The following WDR72 variants were observed in gnomAD, a reference collection of about 807,000 sequenced individuals.
WDR72 encodes WD repeat domain 72.
In WDR72, 120 loss-of-function variants were observed where a neutral mutation model predicts 124.2. The observed-to-expected ratio is 0.97, with a 90% CI of 0.83 to 1.12. WDR72 has a LOEUF of 1.12. Among genes scored for constraint, WDR72 ranks in the 50% most tolerant of loss-of-function variants. The pLI is 0.00. For missense variants in WDR72, 1,387 were observed against 1,278.8 expected, an observed-to-expected ratio of 1.08 and a Z score of -1.29; for synonymous variants, 452 against 441.7, an observed-to-expected ratio of 1.02 and a Z score of -0.29.
At chr15:53,553,516 A>G (rs573630421) in intron 18 of WDR72, among the ~76,000 whole-genome samples, 30 of 152,176 alleles carry the variant, frequency 2.0e-4, no homozygotes, top group Non-Finnish European at 3.5e-4. Flanking sequence ...TGAGTTCCCA[A>G]TGTTTCTATT....
Position 53,700,831 on chromosome 15 carries a change from CAT to C in WDR72, c.1570-888_1570-887del, listed in dbSNP as rs1180969119. 3.3e-5 allele frequency among the ~76,000 whole-genome samples: 5 copies of C among 152,216 alleles called. No homozygotes were observed. In the East Asian group the frequency reaches 9.7e-4, roughly 29 times the overall value. ...TGGAGCCTAGACTTGCAGAACGGAT[CAT>C]ATGTCATTTTTCCCTAACCATTCTA... On this transcript the variant is annotated intron_variant, in intron 12 of 19. Coordinates refer to ENST00000360509, the MANE Select transcript of WDR72 (RefSeq NM_182758.4).
chr15:53,716,768 T>C (rs961126978), intron 3 of WDR72, 83 bp from the exon 4 acceptor site: 2 of 875,934 alleles, frequency 2.3e-6, no homozygotes, highest in African/African-American at 4.3e-5. Context: ...AGTTTTTCTT[T>C]AGCAGCCTGA....
intron 14 of WDR72, among the ~76,000 whole-genome samples, chr15:53,621,853 A>G (rs887337957): frequency 2.4e-4 from 37 of 152,188 alleles, no homozygotes; most frequent in African/African-American, 8.4e-4. Context: ...AGAATGGGAG[A>G]AAGTTTTTGC....
intron 18 of WDR72, among the ~76,000 whole-genome samples, chr15:53,565,399 A>G (rs1566962630): frequency 6.6e-6 from 1 of 151,816 alleles, no homozygotes; most frequent in Non-Finnish European, 1.5e-5. Flanking sequence ...CCAGCCACCC[A>G]TTTCTTTTTT....
At chr15:53,721,478 G>A (rs1003142637) in intron 3 of WDR72, among the ~76,000 whole-genome samples, 3 of 152,084 alleles carry the variant, frequency 2.0e-5, no homozygotes, top group Non-Finnish European at 4.4e-5. Context: ...TGGCAGCCCT[G>A]GTGAATGAAA....
intron 1 of WDR72, among the ~76,000 whole-genome samples, chr15:53,746,814 C>T (rs2018654849): frequency 6.6e-6 from 1 of 152,124 alleles, no homozygotes; most frequent in Admixed American, 6.6e-5. Flanking sequence ...TGGAATTGTG[C>T]ACTTTAAAAG....
chr15:53,530,260 A>C lies in WDR72; in HGVS notation c.3149-6938T>G, dbSNP rs544795222. On this transcript the variant is annotated intron_variant, in intron 18 of 19. Coordinates refer to ENST00000360509, the MANE Select transcript of WDR72 (RefSeq NM_182758.4). ...AAAGAAGAGAATTTCTATATACAAG[A>C]AGTTAATTGGTCATATCAGTAAGCT... Among the ~76,000 whole-genome samples, 6 of 151,612 alleles carry C rather than the reference A, an allele frequency of 4.0e-5. No homozygotes were observed. In the South Asian group the frequency reaches 1.3e-3, roughly 32 times the overall value.
chr15:53,672,499 G>C (rs1048745930), intron 13 of WDR72, among the ~76,000 whole-genome samples: 4 of 152,130 alleles, frequency 2.6e-5, no homozygotes, highest in African/African-American at 9.7e-5. Flanking sequence ...GGCATCTACA[G>C]TTTTTTGTTT....
In WDR72 at chr15:53,738,484, C is replaced by A. The variant is rs547862554; in HGVS notation, c.-12-5323G>T. On this transcript the variant is annotated intron_variant, in intron 1 of 19. Transcript: ENST00000360509. Reference sequence around the variant, plus strand: ...AATATACAGAGAAAATGAGTAAACTCAGATATCTTAAATGAGAATATTATT... The same window carrying A: ...AATATACAGAGAAAATGAGTAAACTAAGATATCTTAAATGAGAATATTATT... Among the ~76,000 whole-genome samples, 3 of 152,166 alleles carry A rather than the reference C, an allele frequency of 2.0e-5. No homozygotes were observed. The South Asian group carries it at 6.2e-4, about 32-fold the overall frequency.
Position 53,528,233 on chromosome 15 carries a change from C to T in WDR72, c.3149-4911G>A, listed in dbSNP as rs1892234953. 2.0e-5 allele frequency among the ~76,000 whole-genome samples: 3 copies of T among 152,202 alleles called. No homozygotes were observed. In the South Asian group the frequency reaches 6.2e-4, roughly 32 times the overall value. On this transcript the variant is annotated intron_variant, in intron 18 of 19. Transcript: ENST00000360509. The stretch of plus-strand genomic sequence containing the variant: ...TTATCTGGCTAAAGAGCTGTGTACA[C>T]ATCACCCTTACTTTAAGAGTATCTA...
At chr15:53,681,585 A>G (rs868175255) in intron 13 of WDR72, among the ~76,000 whole-genome samples, 26 of 152,224 alleles carry the variant, frequency 1.7e-4, no homozygotes, top group African/African-American at 5.8e-4. Context: ...AGGAAAACCC[A>G]GGAAGATAGC....
chr15:53,613,085 G>C (rs186610125), intron 16 of WDR72, among the ~76,000 whole-genome samples: 3 of 152,210 alleles, frequency 2.0e-5, no homozygotes, highest in Non-Finnish European at 4.4e-5. Context: ...TTGGTGATTG[G>C]AAGGATAGAA....
chr15:53,550,335 A>C (rs1318135661), intron 18 of WDR72, among the ~76,000 whole-genome samples: 1 of 152,090 alleles, frequency 6.6e-6, no homozygotes, highest in Non-Finnish European at 1.5e-5. Context: ...TTCCAATAAA[A>C]CTTTTTTTAC....
chr15:53,744,095 G>C (rs1175330412), intron 1 of WDR72, among the ~76,000 whole-genome samples: 1 of 152,056 alleles, frequency 6.6e-6, no homozygotes, highest in Non-Finnish European at 1.5e-5. Context: ...TTTTAGTAAC[G>C]GAGTTCCCTG....
At chr15:53,522,861 C>T (rs577120212) in intron 19 of WDR72, among the ~76,000 whole-genome samples, 1 of 152,042 alleles carries the variant, frequency 6.6e-6, no homozygotes, top group African/African-American at 2.4e-5. Context: ...CTGTCCACTT[C>T]CGCTCCCCTC....
intron 13 of WDR72, among the ~76,000 whole-genome samples, chr15:53,691,919 T>C (rs2016858449): frequency 6.6e-6 from 1 of 152,228 alleles, no homozygotes; most frequent in African/African-American, 2.4e-5. Flanking sequence ...CTTGTGCTCA[T>C]GGAAGCTAAA....
chr15:53,599,821 T>A (rs1361601485), intron 17 of WDR72, among the ~76,000 whole-genome samples: 1 of 152,182 alleles, frequency 6.6e-6, no homozygotes, highest in Non-Finnish European at 1.5e-5. Context: ...TAATTTAATA[T>A]TTCTAATTAT....
chr15:53,613,384 C>A (rs755096219), intron 16 of WDR72, among the ~76,000 whole-genome samples: 1 of 151,798 alleles, frequency 6.6e-6, no homozygotes, highest in Non-Finnish European at 1.5e-5. Flanking sequence ...TATAAATGTT[C>A]AAATGTTATG....
intron 13 of WDR72, among the ~76,000 whole-genome samples, chr15:53,678,385 T>C (rs1437658224): frequency 6.6e-6 from 1 of 152,178 alleles, no homozygotes; most frequent in Non-Finnish European, 1.5e-5. Context: ...GATTAGGACT[T>C]CCATGGAATG....
Sources: gnomAD v4.1 joint callset for allele counts (sites outside exome capture counted in the v4.1 genomes callset) on GRCh38, gnomAD v4.1.1 for gene constraint, MANE v1.5 for transcripts, NCBI Gene and HGNC (gene_info 2026-07-23, HGNC 2026-07-21) for gene names.